GNA14: variants seen among roughly 807,000 people sequenced by gnomAD.
GNA14 encodes the protein G protein subunit alpha 14, also known as guanine nucleotide-binding protein subunit alpha-14.
A neutral mutation model predicts 42.0 loss-of-function variants in GNA14; 50 were observed. The ratio of observed to expected loss-of-function variants is 1.19; its 90% CI spans 0.95 to 1.51. The LOEUF is 1.51. GNA14 is among the 40% of genes most tolerant of loss of function. The pLI is 0.00. For missense variants in GNA14, 473 were observed against 446.2 expected, an observed-to-expected ratio of 1.06 and a Z score of -0.54; for synonymous variants, 173 against 163.1, an observed-to-expected ratio of 1.06 and a Z score of -0.46.
At chr9:77,481,387 A>G (rs897639860) in intron 2 of GNA14, among the ~76,000 whole-genome samples, 2 of 152,144 alleles carry the variant, frequency 1.3e-5, no homozygotes, top group African/African-American at 4.8e-5. Flanking sequence ...CCTGAGTTCT[A>G]GTTTGATTGC....
At chr9:77,472,788 A>ATCTCTCTCTCTCTCTCTCTCTCTC in intron 2 of GNA14, among the ~76,000 whole-genome samples, 1 of 142,018 alleles carries the variant, frequency 7.0e-6, no homozygotes, top group Non-Finnish European at 1.5e-5. Context: ...ACATGACATG[A>ATCTCTCTCTCTCTCTCTCTCTCTC]TCTCTCTCTC....
chr9:77,614,888 G>A (rs1213083184), intron 1 of GNA14, among the ~76,000 whole-genome samples: 1 of 152,188 alleles, frequency 6.6e-6, no homozygotes, highest in African/African-American at 2.4e-5. Flanking sequence ...ATCGTCAGGG[G>A]TGGTAGATTG....
intron 1 of GNA14, among the ~76,000 whole-genome samples, chr9:77,552,949 G>A (rs1301618179): frequency 1.3e-5 from 2 of 152,154 alleles, no homozygotes; most frequent in Non-Finnish European, 2.9e-5. Flanking sequence ...ATAACTCAAT[G>A]AGGGTTTTCT....
chr9:77,500,830 G>A (rs1331397747), intron 2 of GNA14, among the ~76,000 whole-genome samples: 2 of 152,206 alleles, frequency 1.3e-5, no homozygotes, highest in Non-Finnish European at 2.9e-5. Context: ...GATACTCAAG[G>A]TGTTCCCAGT....
chr9:77,510,467 T>C (rs1387359414), intron 2 of GNA14, among the ~76,000 whole-genome samples: 1 of 152,198 alleles, frequency 6.6e-6, no homozygotes, highest in East Asian at 1.9e-4. Context: ...CCTGAGTAGC[T>C]GGAATTAAAG....
intron 1 of GNA14, among the ~76,000 whole-genome samples, chr9:77,641,531 G>A (rs368931533): frequency 4.0e-5 from 6 of 151,174 alleles, no homozygotes; most frequent in East Asian, 2.0e-4. Context: ...ATCGCTAATC[G>A]TAAGAAAATC....
chr9:77,513,994 C>T (rs760194618), intron 2 of GNA14, among the ~76,000 whole-genome samples: 2 of 151,706 alleles, frequency 1.3e-5, no homozygotes, highest in African/African-American at 2.4e-5. Context: ...AAACAGCTGT[C>T]TGGTGTCTCT....
At chr9:77,538,679 C>T (rs974001942) in intron 1 of GNA14, among the ~76,000 whole-genome samples, 16 of 151,942 alleles carry the variant, frequency 1.1e-4, no homozygotes, top group Non-Finnish European at 1.8e-4. Flanking sequence ...TATTTTATTT[C>T]TTTATAGCTA....
intron 2 of GNA14, among the ~76,000 whole-genome samples, chr9:77,489,868 C>T (rs1026771183): frequency 9.2e-5 from 14 of 152,164 alleles, no homozygotes; most frequent in African/African-American, 3.1e-4. Context: ...ATTGCAAAGA[C>T]TGAAAGAACA....
At chr9:77,607,732 C>T (rs940267422) in intron 1 of GNA14, among the ~76,000 whole-genome samples, 3 of 152,154 alleles carry the variant, frequency 2.0e-5, no homozygotes, top group Non-Finnish European at 2.9e-5. Context: ...TCAAGATTTT[C>T]GCCAACAATT....
chr9:77,584,985 C>A (rs1823281229), intron 1 of GNA14, among the ~76,000 whole-genome samples: 1 of 152,066 alleles, frequency 6.6e-6, no homozygotes, highest in African/African-American at 2.4e-5. Context: ...TTCTTTACTG[C>A]AACTTGTTTT....
intron 2 of GNA14, among the ~76,000 whole-genome samples, chr9:77,499,163 T>C (rs1836923577): frequency 1.3e-5 from 2 of 152,268 alleles, no homozygotes; most frequent in South Asian, 4.1e-4. Context: ...CTCATAACCC[T>C]TTAGCCTTGC....
intron 2 of GNA14, among the ~76,000 whole-genome samples, chr9:77,454,507 C>G (rs143494949): frequency 6.0e-4 from 91 of 151,666 alleles, no homozygotes; most frequent in Non-Finnish European, 1.1e-3. Flanking sequence ...GGGGAGTTAT[C>G]TGATAATAGT....
chr9:77,532,745 GT>G (rs1363480161), intron 1 of GNA14, among the ~76,000 whole-genome samples: 1 of 152,134 alleles, frequency 6.6e-6, no homozygotes, highest in East Asian at 1.9e-4. Context: ...GCTCTGCCTT[GT>G]TTTTTTATCT....
At chr9:77,625,387 A>T (rs1732703428) in intron 1 of GNA14, among the ~76,000 whole-genome samples, 1 of 152,136 alleles carries the variant, frequency 6.6e-6, no homozygotes, top group Admixed American at 6.5e-5. Context: ...AAATTCAGGA[A>T]ATACAGAGAA....
intron 1 of GNA14, among the ~76,000 whole-genome samples, chr9:77,538,057 C>A (rs1378227039): frequency 7.4e-6 from 1 of 134,432 alleles, no homozygotes; most frequent in Non-Finnish European, 1.5e-5. Flanking sequence ...CTTTGCTGTA[C>A]AGAAGCTTCT....
At chr9:77,626,283 A>G (rs1182578385) in intron 1 of GNA14, among the ~76,000 whole-genome samples, 1 of 152,166 alleles carries the variant, frequency 6.6e-6, no homozygotes, top group East Asian at 1.9e-4. Context: ...CTCCCACACA[A>G]TAATAGTGGG....
At chr9:77,532,874 C>A (rs1837549642) in intron 1 of GNA14, among the ~76,000 whole-genome samples, 1 of 152,062 alleles carries the variant, frequency 6.6e-6, no homozygotes, top group African/African-American at 2.4e-5. Flanking sequence ...CTGGCAGCAG[C>A]TTTTTGGTTT....
intron 2 of GNA14, among the ~76,000 whole-genome samples, chr9:77,483,031 G>A (rs553045818): frequency 1.1e-4 from 16 of 152,014 alleles, no homozygotes; most frequent in East Asian, 5.8e-4. Flanking sequence ...TAGTTTGATC[G>A]TCTGAAGCCT....
Sources: allele counts gnomAD v4.1 joint callset (sites outside exome capture counted in the v4.1 genomes callset), GRCh38; gene constraint gnomAD v4.1.1; transcripts MANE v1.5; gene names NCBI Gene and HGNC (gene_info 2026-07-23, HGNC 2026-07-21).